The following DAB1 variants were observed in gnomAD, a reference collection of about 807,000 sequenced individuals.
The protein encoded by DAB1 is DAB adaptor protein 1.
In DAB1, 15 loss-of-function variants were observed where a neutral mutation model predicts 64.6. The ratio of observed to expected loss-of-function variants is 0.23; its 90% CI spans 0.16 to 0.36. The LOEUF is 0.36. DAB1 is among the 10% of genes least tolerant of loss of function. The pLI, the probability that DAB1 is intolerant of heterozygous loss-of-function variation, is 1.00. For synonymous variants in DAB1, 235 were observed against 251.9 expected, an observed-to-expected ratio of 0.93 and a Z score of 0.64; for missense variants, 596 against 706.7, an observed-to-expected ratio of 0.84 and a Z score of 1.78.
At chr1:57,949,477 AT>A in intron 5 of DAB1, among the ~76,000 whole-genome samples, 1 of 149,864 alleles carries the variant, frequency 6.7e-6, no homozygotes, top group Non-Finnish European at 1.5e-5. Flanking sequence ...CTATCTATCT[AT>A]CTATCTATCT....
At chr1:58,125,008 G>C (rs1276978480) in intron 5 of DAB1, among the ~76,000 whole-genome samples, 1 of 151,670 alleles carries the variant, frequency 6.6e-6, no homozygotes, top group Non-Finnish European at 1.5e-5. Context: ...TATTATATTT[G>C]ATCAAGGGGG....
chr1:57,748,584 G>A (rs1408799845), intron 6 of DAB1, among the ~76,000 whole-genome samples: 1 of 152,190 alleles, frequency 6.6e-6, no homozygotes, highest in South Asian at 2.1e-4. Context: ...GGAAGGTAGA[G>A]CCAAGGCAAT....
chr1:57,206,651 T>A (rs1413993860), intron 2 of DAB1, among the ~76,000 whole-genome samples: 2 of 152,224 alleles, frequency 1.3e-5, no homozygotes, highest in African/African-American at 2.4e-5. Flanking sequence ...AGTTTCACAC[T>A]GTTTCTCTTG....
At chr1:57,305,624 T>C (rs1674069913) in intron 1 of DAB1, among the ~76,000 whole-genome samples, 1 of 152,168 alleles carries the variant, frequency 6.6e-6, no homozygotes, top group African/African-American at 2.4e-5. Flanking sequence ...AGGAACTGCA[T>C]GCTTCTATGT....
chr1:57,727,726 C>CTCCTTCCTTCCTTCCTTCCTTCCT (rs544033691), intron 6 of DAB1, among the ~76,000 whole-genome samples: 24,023 of 136,694 alleles, frequency 0.18, 2,864 homozygotes, highest in Admixed American at 0.25. Flanking sequence ...CCTTCCTTCT[C>CTCCTTCCTTCCTTCCTTCCTTCCT]TCCTTCCTTC....
intron 6 of DAB1, among the ~76,000 whole-genome samples, chr1:57,686,052 C>A (rs1453695649): frequency 2.6e-5 from 4 of 151,716 alleles, no homozygotes; most frequent in Non-Finnish European, 4.4e-5. Context: ...AGAATAAATA[C>A]CTAAATTAGA....
chr1:57,961,625 A>G (rs1052949123), intron 5 of DAB1, among the ~76,000 whole-genome samples: 1 of 152,196 alleles, frequency 6.6e-6, no homozygotes, highest in African/African-American at 2.4e-5. Flanking sequence ...CTGGGACCCA[A>G]ATTCTTTTTT....
At chr1:57,787,675 C>A (rs1164402917) in intron 6 of DAB1, among the ~76,000 whole-genome samples, 1 of 151,948 alleles carries the variant, frequency 6.6e-6, no homozygotes, top group East Asian at 1.9e-4. Context: ...CTGAATTTCA[C>A]TAAAATTAAA....
chr1:57,063,994 G>T (rs1650663329), intron 8 of DAB1, among the ~76,000 whole-genome samples: 1 of 152,112 alleles, frequency 6.6e-6, no homozygotes, highest in Admixed American at 6.5e-5. Context: ...CCATCATATT[G>T]GGAGCTCCTC....
At chr1:57,016,605 A>G (rs78353622) in intron 11 of DAB1, among the ~76,000 whole-genome samples, 2 of 151,752 alleles carry the variant, frequency 1.3e-5, no homozygotes, top group African/African-American at 4.8e-5. Context: ...AAAAAAAAAA[A>G]GAAAGAAAGT....
At chr1:57,473,844 T>C (rs1474893973) in intron 7 of DAB1, among the ~76,000 whole-genome samples, 2 of 152,226 alleles carry the variant, frequency 1.3e-5, no homozygotes, top group Admixed American at 1.3e-4. Flanking sequence ...CTCATTTCTA[T>C]ATATTTTTAT....
intron 2 of DAB1, among the ~76,000 whole-genome samples, chr1:57,175,307 G>T (rs1443546842): frequency 1.4e-5 from 2 of 142,744 alleles, no homozygotes; most frequent in Non-Finnish European, 3.0e-5. Context: ...TATTATTTCA[G>T]ACTTTAAATT....
At chr1:57,080,242 C>T (rs1652369330) in intron 4 of DAB1, among the ~76,000 whole-genome samples, 1 of 152,172 alleles carries the variant, frequency 6.6e-6, no homozygotes, top group Non-Finnish European at 1.5e-5. Context: ...CTCCCAGCCC[C>T]TGGCAACTGT....
chr1:57,802,014 C>T (rs1651152240), intron 6 of DAB1, among the ~76,000 whole-genome samples: 1 of 152,128 alleles, frequency 6.6e-6, no homozygotes, highest in South Asian at 2.1e-4. Flanking sequence ...GGGTGCACAC[C>T]CTTTTGGCTA....
intron 8 of DAB1, among the ~76,000 whole-genome samples, chr1:57,069,085 AT>A: frequency 6.6e-6 from 1 of 152,338 alleles, no homozygotes; most frequent in Middle Eastern, 3.4e-3. Context: ...TCTCCAATGT[AT>A]TACTTTAGTA....
chr1:57,451,603 G>T (rs1686369543), intron 7 of DAB1, among the ~76,000 whole-genome samples: 2 of 152,150 alleles, frequency 1.3e-5, no homozygotes, highest in South Asian at 4.1e-4. Context: ...TTGATGCTGT[G>T]TTCTTAGATA....
chr1:58,497,405 C>T (rs1219498388), intron 3 of DAB1, among the ~76,000 whole-genome samples: 1 of 152,100 alleles, frequency 6.6e-6, no homozygotes, highest in Non-Finnish European at 1.5e-5. Flanking sequence ...CTATGAGTTT[C>T]CTTAGGCATG....
chr1:58,138,093 T>C (rs75358325), intron 5 of DAB1, among the ~76,000 whole-genome samples: 3,683 of 152,314 alleles, frequency 0.024, 57 homozygotes, highest in Non-Finnish European at 0.038. Context: ...TACCTGATTA[T>C]ATTTATCCAC....
chr1:58,286,382 T>C (rs1661682910), intron 4 of DAB1, among the ~76,000 whole-genome samples: 1 of 152,100 alleles, frequency 6.6e-6, no homozygotes, highest in African/African-American at 2.4e-5. Flanking sequence ...ACAGACAACC[T>C]ACCAAATGGA....
Sources: gnomAD v4.1 joint callset for allele counts (sites outside exome capture counted in the v4.1 genomes callset) on GRCh38, gnomAD v4.1.1 for gene constraint, MANE v1.5 for transcripts, NCBI Gene and HGNC (gene_info 2026-07-23, HGNC 2026-07-21) for gene names.